The following ANGPTL2 variants were observed in gnomAD, a reference collection of about 807,000 sequenced individuals.
The protein encoded by ANGPTL2 is angiopoietin like 2.
In ANGPTL2, 25 loss-of-function variants were observed where a neutral mutation model predicts 52.8. The ratio of observed to expected loss-of-function variants is 0.47; its 90% CI spans 0.35 to 0.66. The LOEUF (loss-of-function observed/expected upper bound fraction) is 0.66, where lower values mean the gene tolerates loss of function less well. ANGPTL2 is among the 30% of genes least tolerant of loss of function. The pLI is 0.01. For missense variants in ANGPTL2, 546 were observed against 656.9 expected (o/e 0.83, Z 1.84); for synonymous variants, 276 against 277.4 (o/e 1.00, Z 0.05).
At chr9:127,098,295 C>T (rs779104631) in intron 2 of ANGPTL2, among the ~76,000 whole-genome samples, 6 of 152,208 alleles carry the variant, frequency 3.9e-5, no homozygotes, top group Non-Finnish European at 5.9e-5. Context: ...GAGTACCTAG[C>T]GGTGTTTAAC....
chr9:127,100,705 T>C (rs979311849), intron 2 of ANGPTL2, among the ~76,000 whole-genome samples: 1 of 152,172 alleles, frequency 6.6e-6, no homozygotes, highest in African/African-American at 2.4e-5. Flanking sequence ...GGTGCTGTCC[T>C]GCAGGCACAT....
At chr9:127,120,827 C>CAAA (rs968011060) in intron 1 of ANGPTL2, among the ~76,000 whole-genome samples, 1 of 121,942 alleles carries the variant, frequency 8.2e-6, no homozygotes, top group Non-Finnish European at 1.8e-5. Context: ...GACTCCATCT[C>CAAA]AAAAAAAAAA....
intron 2 of ANGPTL2, among the ~76,000 whole-genome samples, chr9:127,103,492 A>G (rs150531622): frequency 6.6e-6 from 1 of 152,258 alleles, no homozygotes. Context: ...TTAGCTATAC[A>G]TTGAAATGCT....
intron 2 of ANGPTL2, among the ~76,000 whole-genome samples, chr9:127,096,301 C>A (rs979829723): frequency 6.6e-6 from 1 of 152,226 alleles, no homozygotes; most frequent in Non-Finnish European, 1.5e-5. Context: ...TGGAGCAGAG[C>A]GCCGGTGGGC....
intron 1 of ANGPTL2, among the ~76,000 whole-genome samples, chr9:127,109,962 C>T (rs1309417530): frequency 6.6e-6 from 1 of 152,208 alleles, no homozygotes; most frequent in Non-Finnish European, 1.5e-5. Flanking sequence ...ACTCGAGGGC[C>T]TTGCTCCAGC....
intron 1 of ANGPTL2, among the ~76,000 whole-genome samples, chr9:127,110,805 A>G (rs1456933853): frequency 1.3e-5 from 2 of 152,124 alleles, no homozygotes; most frequent in East Asian, 3.8e-4. Flanking sequence ...ATATTCTTAG[A>G]GTCCTGTGTC....
rs146887662 is a variant in ANGPTL2 at position 127,107,929 on chromosome 9, G to A, written c.803C>T (p.Thr268Ile). 36 of 1,533,126 alleles carry A rather than the reference G, an allele frequency of 2.3e-5. No individual in the cohort carries two copies. The highest frequency in any genetic ancestry group is 2.1e-4 in the African/African-American group (15 of 72,848). The allele number at this position is 1,533,126 out of a possible 1,614,324, so 95.0% of individuals were successfully genotyped here. ...MPTLTSLPSSTDKPSGPWRDC... is the reference protein window; with the variant it reads ...MPTLTSLPSSIDKPSGPWRDC... ...GAAGCACTTACCCGACGGCTTGTCG[G>A]TGGAAGATGGGAGGCTGGTGAGAGT... Residue 268 changes from threonine (T) to isoleucine (I), a missense_variant, in exon 2 of 5, where the codon ACC becomes ATC. Thr to Ile is a moderately conservative substitution (Grantham distance 89, BLOSUM62 -1). Transcript: ENST00000373425.
intron 2 of ANGPTL2, among the ~76,000 whole-genome samples, chr9:127,095,039 G>C (rs900107113): frequency 1.3e-5 from 2 of 152,196 alleles, no homozygotes; most frequent in Non-Finnish European, 2.9e-5. Flanking sequence ...GAAGGTCAAG[G>C]CCTAGCCATT....
intron 1 of ANGPTL2, among the ~76,000 whole-genome samples, chr9:127,110,053 A>T (rs1049403099): frequency 1.3e-5 from 2 of 151,928 alleles, no homozygotes; most frequent in Non-Finnish European, 1.5e-5. Flanking sequence ...CCCTCTCTTG[A>T]CCTCACATCC....
chr9:127,093,953 C>T, intron 2 of ANGPTL2, 27 bp from the exon 3 acceptor site: 1 of 1,604,066 alleles, frequency 6.2e-7, no homozygotes, highest in African/African-American at 1.3e-5. Context: ...GCATATACAT[C>T]ACAGACCTGC....
At chr9:127,094,734 C>G (rs1259507800) in intron 2 of ANGPTL2, among the ~76,000 whole-genome samples, 13 of 152,198 alleles carry the variant, frequency 8.5e-5, no homozygotes, top group Admixed American at 8.5e-4. Context: ...CTTGCAGGCT[C>G]ATAAACTTAA....
At chr9:127,100,067 T>C (rs1187187420) in intron 2 of ANGPTL2, among the ~76,000 whole-genome samples, 1 of 152,274 alleles carries the variant, frequency 6.6e-6, no homozygotes, top group African/African-American at 2.4e-5. Context: ...TGTTAAATTT[T>C]GTCTTCATGA....
At chr9:127,116,867 C>T (rs1262837675) in intron 1 of ANGPTL2, among the ~76,000 whole-genome samples, 1 of 152,044 alleles carries the variant, frequency 6.6e-6, no homozygotes, top group African/African-American at 2.4e-5. Flanking sequence ...GCCACTTGTC[C>T]AGGGGCACAG....
intron 2 of ANGPTL2, among the ~76,000 whole-genome samples, chr9:127,100,504 A>G (rs2053611961): frequency 2.0e-5 from 3 of 152,178 alleles, no homozygotes. Flanking sequence ...CATTTTAAAA[A>G]AGAGTTTAGA....
At chr9:127,111,269 C>T (rs1380192704) in intron 1 of ANGPTL2, among the ~76,000 whole-genome samples, 1 of 152,194 alleles carries the variant, frequency 6.6e-6, no homozygotes, top group East Asian at 1.9e-4. Context: ...CAGTTAGACC[C>T]TCCCTGCTGA....
chr9:127,108,772 TA>T lies in ANGPTL2; in HGVS notation c.-42del. Reference sequence around the variant, plus strand: ...GTGGTTATTCTTTGTGAATAGAATCTATGAAAGCCTGAAAGTAAACAGAGGG... The same window carrying T: ...GTGGTTATTCTTTGTGAATAGAATCTTGAAAGCCTGAAAGTAAACAGAGGG... On this transcript the variant is annotated 5_prime_UTR_variant, in exon 2 of 5. Coordinates refer to ENST00000373425, the MANE Select transcript of ANGPTL2 (RefSeq NM_012098.3). 6.4e-7 allele frequency: 1 copy of T among 1,553,188 alleles called. No individual in the cohort carries two copies. The highest frequency in any genetic ancestry group is 1.2e-5 in the South Asian group (1 of 83,676).
intron 2 of ANGPTL2, 63 bp downstream of exon 2, chr9:127,107,852 G>A: frequency 4.7e-6 from 7 of 1,480,102 alleles, no homozygotes; most frequent in Non-Finnish European, 4.5e-6. Context: ...TGTGGACACA[G>A]CCAAGGGAAG....
At chr9:127,115,189 T>TATC (rs2055273860) in intron 1 of ANGPTL2, among the ~76,000 whole-genome samples, 1 of 152,036 alleles carries the variant, frequency 6.6e-6, no homozygotes. Flanking sequence ...TAATTATTAT[T>TATC]ATTATTATTA....
In ANGPTL2 at chr9:127,121,645, CG is replaced by C. The variant is rs141332124; in HGVS notation, c.-50+669del. On this transcript the variant is annotated intron_variant, in intron 1 of 4. Transcript: ENST00000373425. ...ATGTGGAGCCCCTGCTGTCCCCTTG[CG>C]GGGGTACCAGGGAAGCCGCATCCTC... Among the ~76,000 whole-genome samples the C allele has an allele frequency of 5.4e-3, 821 of 152,366 alleles. 23 individuals are homozygous for C. The East Asian group carries it at 0.085, about 16-fold the overall frequency.
Sources: gnomAD v4.1 joint callset for allele counts (sites outside exome capture counted in the v4.1 genomes callset) on GRCh38, gnomAD v4.1.1 for gene constraint, MANE v1.5 for transcripts, NCBI Gene and HGNC (gene_info 2026-07-23, HGNC 2026-07-21) for gene names.